Variants in ENG observed in about 807,000 individuals in gnomAD.
ENG encodes endoglin.
A neutral mutation model predicts 71.0 loss-of-function variants in ENG; 17 were observed. The observed-to-expected ratio is 0.24, with a 90% confidence interval of 0.16 to 0.36. The LOEUF is 0.36. Ranked by LOEUF, ENG falls within the 10% of genes least tolerant of loss-of-function variation. ENG has a pLI of 1.00. For missense variants in ENG, 749 were observed against 868.3 expected (o/e 0.86, Z 1.73); for synonymous variants, 360 against 366.9 (o/e 0.98, Z 0.21).
At chr9:127,825,104 T>G in intron 6 of ENG, 127 bp downstream of exon 6, 2 of 1,590,270 alleles carry the variant, frequency 1.3e-6, no homozygotes, top group South Asian at 2.2e-5. Context: ...CCTGGCCCCT[T>G]CCCTCACGTA....
rs1433105885 is a variant in ENG, at chr9:127,836,808, GAC to G, written c.219+6284_219+6285del. On this transcript the variant is annotated intron_variant, in intron 2 of 14. Coordinates refer to ENST00000373203, the MANE Select transcript of ENG (RefSeq NM_001114753.3). The surrounding 1 kb of genome is among the most constrained non-coding windows in gnomAD (Gnocchi z 4.0). Reference sequence around the variant, plus strand: ...GGGAGTAGTTTGGCTTTTTTTTTGAGACACAGTCTTGCTCTGTCACTCAGGCT... The same window carrying G: ...GGGAGTAGTTTGGCTTTTTTTTTGAGACAGTCTTGCTCTGTCACTCAGGCT... 2.6e-5 allele frequency among the ~76,000 whole-genome samples: 4 copies of G among 151,918 alleles called. No homozygotes were observed. The highest frequency in any genetic ancestry group is 3.2e-3 in the Middle Eastern group (1 of 316).
intron 1 of ENG, among the ~76,000 whole-genome samples, chr9:127,843,757 T>TATATATATATA (rs1831105965): frequency 1.9e-4 from 1 of 5,210 alleles, no homozygotes; most frequent in African/African-American, 5.6e-4. Context: ...ATATATATAT[T>TATATATATATA]TTTTTTTTTT....
In ENG at chr9:127,854,285, C is replaced by T. The variant is rs1309975584; in HGVS notation, c.67+4G>A. ...CTCCCCACCCTGGGTCCCTGGACACCTACTTGTGGGGCTGAGGCTGCAGCT... is the reference window on the plus strand; with the variant it reads ...CTCCCCACCCTGGGTCCCTGGACACTTACTTGTGGGGCTGAGGCTGCAGCT... On this transcript the variant is annotated splice_donor_region_variant and intron_variant, in intron 1 of 14. Coordinates refer to ENST00000373203, the MANE Select transcript of ENG (RefSeq NM_001114753.3). 6.3e-7 allele frequency: 1 copy of T among 1,584,414 alleles called. No homozygotes were observed. Among genetic ancestry groups the T allele is most frequent in the African/African-American group, 1.3e-5 (1 of 74,336 alleles).
chr9:127,830,238 A>G (rs1830732617), intron 2 of ENG, among the ~76,000 whole-genome samples: 2 of 149,216 alleles, frequency 1.3e-5, no homozygotes, highest in Non-Finnish European at 3.0e-5. Flanking sequence ...GCCACTGGGG[A>G]GGCTGAGACA....
At position 127,838,112 on chromosome 9, in the gene ENG, G is replaced by T. The variant is rs1830947427; in HGVS notation, c.219+4982C>A. On this transcript the variant is annotated intron_variant, in intron 2 of 14. Transcript: ENST00000373203. The surrounding 1 kb of genome is among the most constrained non-coding windows in gnomAD (Gnocchi z 4.3). ...AACTCCACCATGCCTGCCTCCCCAAGTAGCCAACTCAACCATCCTTCAGGT... is the reference window on the plus strand; with the variant it reads ...AACTCCACCATGCCTGCCTCCCCAATTAGCCAACTCAACCATCCTTCAGGT... 6.6e-6 allele frequency among the ~76,000 whole-genome samples: 1 copy of T among 152,198 alleles called. No homozygotes were observed. Among genetic ancestry groups the T allele is most frequent in the Non-Finnish European group, 1.5e-5 (1 of 68,044 alleles).
chr9:127,837,395 G>A (rs940185922), intron 2 of ENG, among the ~76,000 whole-genome samples: 1 of 152,158 alleles, frequency 6.6e-6, no homozygotes, highest in African/African-American at 2.4e-5. Flanking sequence ...TGGCCACAGA[G>A]TGGGTTTTCA....
At chr9:127,849,122 T>C (rs1831236453) in intron 1 of ENG, among the ~76,000 whole-genome samples, 1 of 152,120 alleles carries the variant, frequency 6.6e-6, no homozygotes, top group South Asian at 2.1e-4. Context: ...ACCCCGCCAC[T>C]CTGGCTCATA....
chr9:127,819,568 G>T (rs1345348730), intron 10 of ENG, 54 bp downstream of exon 10: 1 of 1,610,554 alleles, frequency 6.2e-7, no homozygotes, highest in South Asian at 1.1e-5. Flanking sequence ...AAGAGGCCCC[G>T]GCCCAGCAGC....
At chr9:127,842,465 C>T (rs1831059986) in intron 2 of ENG, among the ~76,000 whole-genome samples, 1 of 151,424 alleles carries the variant, frequency 6.6e-6, no homozygotes, top group Non-Finnish European at 1.5e-5. Context: ...CACTCTGTCA[C>T]CAGGCCAGAG....
chr9:127,826,622 C>A lies in ENG; in HGVS notation c.411G>T (p.Glu137Asp). 1 of 1,614,008 alleles carries A rather than the reference C, an allele frequency of 6.2e-7. No individual in the cohort carries two copies. The highest frequency in any genetic ancestry group is 8.5e-7 in the Non-Finnish European group (1 of 1,179,996). The change falls in exon 4 of 15, where the codon GAG (glutamate) becomes GAT (aspartate). Residue 137 changes from glutamate (E) to aspartate (D), a missense_variant. Coordinates refer to ENST00000373203, the MANE Select transcript of ENG (RefSeq NM_001114753.3). ...FQEPPGVNTT[E>D]LPSFPKTQIL... ...TCTGGGTCTTGGGGAAGGATGGCAG[C>A]TCTGTGGTGTTGACCCCCGGGGGCT...
At chr9:127,818,967 T>C in intron 10 of ENG, 135 bp from the exon 11 acceptor site, 1 of 754,252 alleles carries the variant, frequency 1.3e-6, no homozygotes, top group Non-Finnish European at 2.3e-6. Flanking sequence ...AGACGGAGTC[T>C]CGCTCTGTCG....
At position 127,853,532 on chromosome 9, in the gene ENG, A is replaced by T. The variant is rs1829082400; in HGVS notation, c.67+757T>A. On this transcript the variant is annotated intron_variant, in intron 1 of 14. Transcript: ENST00000373203. ...GCCATGACCCCTTGGAAGAGCCCCC[A>T]GGCCAAGGAGCCCCACAGAACCCCT... Among the ~76,000 whole-genome samples, 3 of 152,230 alleles carry T rather than the reference A, an allele frequency of 2.0e-5. No individual in the cohort carries two copies. The South Asian group carries it at 6.2e-4, about 32-fold the overall frequency.
At position 127,829,769 on chromosome 9, in the gene ENG, C is replaced by T. The variant is rs532649202; in HGVS notation, c.278G>A (p.Arg93Gln). 30 of 1,614,122 alleles carry T rather than the reference C, an allele frequency of 1.9e-5. No individual in the cohort carries two copies. The highest frequency in any genetic ancestry group is 1.1e-4 in the East Asian group (5 of 44,890). The change falls in exon 3 of 15, where the codon CGA becomes CAA. Residue 93 changes from arginine (R) to glutamine (Q), a missense_variant. By Grantham distance (43) the Arg-to-Gln change is conservative (BLOSUM62 1). Coordinates refer to ENST00000373203, the MANE Select transcript of ENG (RefSeq NM_001114753.3). ...QASKQNGTWP[R>Q]EVLLVLSVNS... ...TACACTGAGGACCAGAAGCACCTCT[C>T]GGGGCCAGGTGCCATTTTGCTTGGA...
At chr9:127,816,348 G>C (rs1200844013) in intron 13 of ENG, 1 of 494,720 alleles carries the variant, frequency 2.0e-6, no homozygotes, top group Non-Finnish European at 3.7e-6. Flanking sequence ...GGTAACGTGA[G>C]GAAACTGAGG....
chr9:127,815,791 C>G lies in ENG; in HGVS notation c.1868G>C (p.Arg623Pro). Reference sequence around the variant, plus strand: ...GGCAGCCACCGCCACCACGGGCTCCCGCTTGCTGGGGGAACCTGGGAGCGG... The same window carrying G: ...GGCAGCCACCGCCACCACGGGCTCCGGCTTGCTGGGGGAACCTGGGAGCGG... ...IYSHTRSPSK[R>P]EPVVAVAAPA... The change falls in exon 15 of 15, where the codon CGG (arginine) becomes CCG (proline). Residue 623 changes from arginine to proline, a missense_variant. Arg to Pro is a moderately radical substitution (Grantham distance 103). Transcript: ENST00000373203. 1 of 1,546,150 alleles carries G rather than the reference C, an allele frequency of 6.5e-7. No individual in the cohort carries two copies. The highest frequency in any genetic ancestry group is 8.7e-7 in the Non-Finnish European group (1 of 1,146,958).
intron 7 of ENG, 60 bp from the exon 8 acceptor site, chr9:127,824,506 A>G: frequency 9.7e-7 from 1 of 1,034,782 alleles, no homozygotes; most frequent in Non-Finnish European, 1.3e-6. Flanking sequence ...GTGTGCCCGC[A>G]CCAGGCTTTT....
rs1588591526 is a variant in ENG at position 127,836,199 on chromosome 9, C to T, written c.220-6372G>A. Among the ~76,000 whole-genome samples the T allele has an allele frequency of 6.6e-6, 1 of 152,340 alleles. No homozygotes were observed. The highest frequency in any genetic ancestry group is 3.4e-3 in the Middle Eastern group (1 of 294). ...AAAACGATGGCGCCAGCCTTGCCCC[C>T]AACCCCAAGCTCCCAGCCTTCCTCA... On this transcript the variant is annotated intron_variant, in intron 2 of 14. Transcript: ENST00000373203. The surrounding 1 kb of genome is among the most constrained non-coding windows in gnomAD (Gnocchi z 4.0).
At chr9:127,832,340 G>A (rs1453006848) in intron 2 of ENG, among the ~76,000 whole-genome samples, 2 of 152,058 alleles carry the variant, frequency 1.3e-5, no homozygotes, top group African/African-American at 4.8e-5. Context: ...CTCCCAAAGT[G>A]CTGGAATTAC....
intron 2 of ENG, among the ~76,000 whole-genome samples, chr9:127,832,145 G>A (rs192952695): frequency 2.9e-5 from 4 of 135,858 alleles, no homozygotes; most frequent in East Asian, 4.3e-4. Context: ...GCACAACCTC[G>A]GCTCACTGCA....
Sources: allele counts gnomAD v4.1 joint callset (sites outside exome capture counted in the v4.1 genomes callset), GRCh38; gene constraint gnomAD v4.1.1; non-coding constraint Gnocchi (gnomAD v3.1); transcripts MANE v1.5; gene names NCBI Gene and HGNC (gene_info 2026-07-23, HGNC 2026-07-21).